CFAP251: variants seen among roughly 807,000 people sequenced by gnomAD.
CFAP251 encodes cilia- and flagella-associated protein 251.
Under a neutral mutation model 126.7 loss-of-function variants are expected in CFAP251, and 93 were observed. That is an observed-to-expected ratio of 0.73 (90% CI 0.62 to 0.87). The LOEUF (loss-of-function observed/expected upper bound fraction) is 0.87, where lower values mean the gene tolerates loss of function less well. Among genes scored for constraint, CFAP251 ranks in the 40% least tolerant of loss-of-function variants. The pLI is 0.00. For missense variants in CFAP251, 1,287 were observed against 1,389.2 expected (o/e 0.93, Z 1.17); for synonymous variants, 503 against 506.9 (o/e 0.99, Z 0.10).
At chr12:121,973,826 T>A (rs958695596) in intron 17 of CFAP251, among the ~76,000 whole-genome samples, 1 of 152,190 alleles carries the variant, frequency 6.6e-6, no homozygotes, top group African/African-American at 2.4e-5. Context: ...AGGAAGTAAT[T>A]AACTTGCTTT....
Position 121,966,876 on chromosome 12 carries a change from G to A in CFAP251, c.2493-79G>A, listed in dbSNP as rs778649650. 376 of 1,380,692 alleles carry A rather than the reference G, an allele frequency of 2.7e-4. 1 individual carries two copies. Among genetic ancestry groups the A allele is most frequent in the African/African-American group, 3.6e-4 (25 of 70,000 alleles). 85.5% of individuals were successfully genotyped at this position (1,380,692 alleles called of 1,614,324 possible). Reference sequence around the variant, plus strand: ...TGGGATTACAGGTGTGAGCCACTGCGCCTGGCCCGACCAAAGAATCTTAAA... The same window carrying A: ...TGGGATTACAGGTGTGAGCCACTGCACCTGGCCCGACCAAAGAATCTTAAA... On this transcript the variant is annotated intron_variant, in intron 15 of 21. Transcript: ENST00000288912.
intron 19 of CFAP251, among the ~76,000 whole-genome samples, chr12:121,981,478 G>C (rs1308014668): frequency 6.6e-6 from 1 of 152,118 alleles, no homozygotes; most frequent in Non-Finnish European, 1.5e-5. Flanking sequence ...GTCAACTTCA[G>C]CTTCAGCAAT....
At chr12:121,976,049 C>T (rs1373331302) in intron 19 of CFAP251, among the ~76,000 whole-genome samples, 1 of 150,434 alleles carries the variant, frequency 6.6e-6, no homozygotes, top group East Asian at 1.9e-4. Context: ...CCCTCTGTCA[C>T]GCAGGTTGGA....
intron 17 of CFAP251, among the ~76,000 whole-genome samples, chr12:121,973,137 T>C (rs1201900046): frequency 6.6e-6 from 1 of 152,194 alleles, no homozygotes; most frequent in Admixed American, 6.5e-5. Context: ...GCCTAGGGAC[T>C]TGGTGCCCGG....
In CFAP251 at chr12:121,974,645, G is replaced by C. The variant is rs574810844; in HGVS notation, c.2772-599G>C. 4.6e-5 allele frequency among the ~76,000 whole-genome samples: 7 copies of C among 152,236 alleles called. No homozygotes were observed. The highest frequency in any genetic ancestry group is 4.1e-4 in the South Asian group (2 of 4,824). ...TTAGTGGATTATTAGAATGATTTCTGATGATTAGCCTTTTGTAGGAGGCAA... is the reference window on the plus strand; with the variant it reads ...TTAGTGGATTATTAGAATGATTTCTCATGATTAGCCTTTTGTAGGAGGCAA... On this transcript the variant is annotated intron_variant, in intron 17 of 21. Coordinates refer to ENST00000288912, the MANE Select transcript of CFAP251 (RefSeq NM_144668.6). This position sits in a 1 kb window ranked among gnomAD's most constrained non-coding sequence, Gnocchi z 4.6.
intron 19 of CFAP251, chr12:121,992,206 C>T (rs542062950): frequency 1.0e-6 from 1 of 985,346 alleles, no homozygotes; most frequent in South Asian, 4.7e-5. Flanking sequence ...ACAAGCTCTG[C>T]GTTCTATTTC....
Position 121,934,238 on chromosome 12 carries a change from T to C in CFAP251, c.889-9T>C, listed in dbSNP as rs1880802971. ...GATGTTTCAAAGCGTTTTCTCTCCA[T>C]TTCCATAGGGCCACGCCAATATTAT... On this transcript the variant is annotated splice_polypyrimidine_tract_variant and intron_variant, in intron 4 of 21. Coordinates refer to ENST00000288912, the MANE Select transcript of CFAP251 (RefSeq NM_144668.6). 1 of 1,611,646 alleles carries C rather than the reference T, an allele frequency of 6.2e-7. No individual in the cohort carries two copies. The highest frequency in any genetic ancestry group is 8.5e-7 in the Non-Finnish European group (1 of 1,178,764).
chr12:121,926,726 C>T (rs1357386684), intron 3 of CFAP251, among the ~76,000 whole-genome samples: 1 of 152,172 alleles, frequency 6.6e-6, no homozygotes, highest in Non-Finnish European at 1.5e-5. Context: ...GGGTGGATCA[C>T]CTGAGGTCAG....
chr12:121,978,004 A>T (rs1565920120), intron 19 of CFAP251, among the ~76,000 whole-genome samples: 1 of 151,644 alleles, frequency 6.6e-6, no homozygotes, highest in Non-Finnish European at 1.5e-5. Context: ...ATAAAATAAA[A>T]ACAAACAAAA....
chr12:121,938,784 A>C (rs918290788), intron 5 of CFAP251, among the ~76,000 whole-genome samples: 1 of 150,094 alleles, frequency 6.7e-6, no homozygotes, highest in Non-Finnish European at 1.5e-5. Flanking sequence ...GGCATTCGAG[A>C]CCAGCCTGGC....
chr12:121,988,914 T>C (rs980356271), intron 19 of CFAP251, among the ~76,000 whole-genome samples: 1 of 151,960 alleles, frequency 6.6e-6, no homozygotes, highest in Non-Finnish European at 1.5e-5. Context: ...TTTTGTATTT[T>C]TAGTAGAGAT....
At chr12:121,928,652 ATATACGTATATATATACG>A (rs1565902618) in intron 3 of CFAP251, among the ~76,000 whole-genome samples, 5 of 35,534 alleles carry the variant, frequency 1.4e-4, no homozygotes, top group African/African-American at 2.4e-4. Flanking sequence ...ATATATATAT[ATATACGTATATATATACG>A]TATATATATA....
chr12:121,969,236 A>G (rs1236161425), intron 17 of CFAP251: 1 of 985,278 alleles, frequency 1.0e-6, no homozygotes, highest in African/African-American at 1.7e-5. Flanking sequence ...GAATATGAGC[A>G]AAAATAGCCG....
At chr12:121,995,164 T>TA (rs1364884107) in intron 19 of CFAP251, among the ~76,000 whole-genome samples, 1 of 152,212 alleles carries the variant, frequency 6.6e-6, no homozygotes, top group Non-Finnish European at 1.5e-5. Context: ...CTCAAGGTCA[T>TA]ATAGACAGAA....
intron 3 of CFAP251, among the ~76,000 whole-genome samples, chr12:121,924,410 C>T (rs10770187): frequency 0.51 from 73,209 of 143,878 alleles, 18,632 homozygotes; most frequent in African/African-American, 0.63. Context: ...CCACCACGCC[C>T]GGCCTAGACT....
chr12:122,003,254 G>A (rs950322844), intron 21 of CFAP251, among the ~76,000 whole-genome samples: 2 of 152,052 alleles, frequency 1.3e-5, no homozygotes, highest in Non-Finnish European at 2.9e-5. Flanking sequence ...GCATTTCCTT[G>A]TGTTTTTGGA....
At chr12:121,942,690 C>A in intron 6 of CFAP251, 45 bp downstream of exon 6, 2 of 1,493,780 alleles carry the variant, frequency 1.3e-6, no homozygotes, top group Non-Finnish European at 1.8e-6. Flanking sequence ...AGCTGGCCGA[C>A]CTGTGCAGCG....
intron 19 of CFAP251, among the ~76,000 whole-genome samples, chr12:121,993,431 G>A (rs1234607051): frequency 1.4e-5 from 2 of 141,978 alleles, no homozygotes; most frequent in South Asian, 2.4e-4. Flanking sequence ...GCCGCCCATC[G>A]TCGGGGATGT....
At chr12:121,962,346 G>T (rs1881968969) in intron 15 of CFAP251, among the ~76,000 whole-genome samples, 184 bp downstream of exon 15, 1 of 152,206 alleles carries the variant, frequency 6.6e-6, no homozygotes, top group East Asian at 1.9e-4. Context: ...ATGTGGCCCT[G>T]TGTGGAGGTG....
Sources: gnomAD v4.1 joint callset for allele counts (sites outside exome capture counted in the v4.1 genomes callset) on GRCh38, gnomAD v4.1.1 for gene constraint, Gnocchi (gnomAD v3.1) non-coding constraint, MANE v1.5 for transcripts, NCBI Gene and HGNC (gene_info 2026-07-23, HGNC 2026-07-21) for gene names.